Variants in CCDC73 observed in about 807,000 individuals in gnomAD.
The protein encoded by CCDC73 is coiled-coil domain containing 73.
Under a neutral mutation model 116.5 loss-of-function variants are expected in CCDC73, and 95 were observed. The observed-to-expected ratio is 0.82, with a 90% CI of 0.69 to 0.97. The LOEUF is 0.97. CCDC73 is among the 50% of genes least tolerant of loss of function. CCDC73 has a pLI of 0.00. For missense variants in CCDC73, 1,066 were observed against 1,206.8 expected (o/e 0.88, Z 1.73); for synonymous variants, 398 against 401.3 (o/e 0.99, Z 0.10).
At chr11:32,800,960 T>G in the CCDC73 span, among the ~76,000 whole-genome samples, 1 of 152,180 alleles carries the variant, frequency 6.6e-6, no homozygotes, top group Non-Finnish European at 1.5e-5. Context: ...TAATAGGAAG[T>G]CAAGAGATGG....
intron 2 of CCDC73, among the ~76,000 whole-genome samples, chr11:32,731,492 G>A (rs1261564731): frequency 1.3e-5 from 2 of 152,216 alleles, no homozygotes; most frequent in Non-Finnish European, 2.9e-5. Context: ...CTCCCGAGTA[G>A]CCTAACTGGG....
At chr11:32,781,913 A>C (rs991265636) in intron 1 of CCDC73, among the ~76,000 whole-genome samples, 1 of 152,166 alleles carries the variant, frequency 6.6e-6, no homozygotes, top group Non-Finnish European at 1.5e-5. Context: ...GCCACGCAGC[A>C]GGAGGTGAGC....
At chr11:32,655,691 T>A (rs535716726) in intron 9 of CCDC73, among the ~76,000 whole-genome samples, 1 of 152,316 alleles carries the variant, frequency 6.6e-6, no homozygotes, top group South Asian at 2.1e-4. Context: ...GCTACAGAGT[T>A]TGAATGTTAT....
chr11:32,830,249 T>G, the CCDC73 span: 1 of 1,037,822 alleles, frequency 9.6e-7, no homozygotes, highest in Non-Finnish European at 1.2e-6. Flanking sequence ...CTGGGTTGGA[T>G]TCGAACACAT....
chr11:32,614,395 T>C lies in CCDC73; in HGVS notation c.1923A>G (p.Pro641=). ...AATTCCGTAAACTATATTTCTGACATGGAACAGGATTTTTTTTTATATCTA... is the reference window on the plus strand; with the variant it reads ...AATTCCGTAAACTATATTTCTGACACGGAACAGGATTTTTTTTTATATCTA... ...SSLDIKKNPV[P]CQKYSLRNSS... is the part of the protein sequence containing the mutation. The change falls in exon 16 of 18, where the codon CCA becomes CCG. Residue 641 remains proline (P), a synonymous_variant. Coordinates refer to ENST00000335185, the MANE Select transcript of CCDC73 (RefSeq NM_001008391.4). 4 of 1,613,364 alleles carry C rather than the reference T, an allele frequency of 2.5e-6. No individual in the cohort carries two copies. Among genetic ancestry groups the C allele is most frequent in the South Asian group, 2.2e-5 (2 of 91,052 alleles).
intron 13 of CCDC73, among the ~76,000 whole-genome samples, chr11:32,641,295 A>T (rs1204885962): frequency 6.6e-6 from 1 of 152,184 alleles, no homozygotes; most frequent in Non-Finnish European, 1.5e-5. Context: ...ATTAAAATTG[A>T]TATTAGCATA....
At chr11:32,657,975 C>A (rs188156646) in intron 9 of CCDC73, among the ~76,000 whole-genome samples, 1 of 150,712 alleles carries the variant, frequency 6.6e-6, no homozygotes, top group East Asian at 2.0e-4. Context: ...GACCCCCCAC[C>A]GCCCCCATCT....
At chr11:32,789,858 C>G (rs968947420) in intron 1 of CCDC73, among the ~76,000 whole-genome samples, 1 of 152,110 alleles carries the variant, frequency 6.6e-6, no homozygotes, top group Admixed American at 6.5e-5. Flanking sequence ...ACAATGTGAT[C>G]ATGTGTGAAG....
At chr11:32,748,100 C>T (rs1464457920) in intron 2 of CCDC73, among the ~76,000 whole-genome samples, 1 of 152,166 alleles carries the variant, frequency 6.6e-6, no homozygotes, top group African/African-American at 2.4e-5. Context: ...CCTACATGTT[C>T]TTATTGGAGA....
chr11:32,642,092 A>G lies in CCDC73; in HGVS notation c.940-10T>C. On this transcript the variant is annotated splice_polypyrimidine_tract_variant and intron_variant, in intron 12 of 17. Transcript: ENST00000335185. ...TATCTCTTTCAAGGGTCTGCAATAA[A>G]ATTAATTATCCAAAAAATAATCAAT... 1 of 1,517,148 alleles carries G rather than the reference A, an allele frequency of 6.6e-7. No individual in the cohort carries two copies. The highest frequency in any genetic ancestry group is 8.8e-7 in the Non-Finnish European group (1 of 1,135,456). 94.0% of individuals were successfully genotyped at this position (1,517,148 alleles called of 1,614,324 possible).
intron 6 of CCDC73, among the ~76,000 whole-genome samples, chr11:32,693,575 A>G (rs1289685600): frequency 6.6e-6 from 1 of 152,202 alleles, no homozygotes; most frequent in East Asian, 1.9e-4. Flanking sequence ...TGAGGCCAGC[A>G]TCATCCTGAT....
At chr11:32,617,427 T>G (rs1855483492) in intron 14 of CCDC73, among the ~76,000 whole-genome samples, 1 of 152,218 alleles carries the variant, frequency 6.6e-6, no homozygotes, top group South Asian at 2.1e-4. Context: ...TCATTTCATT[T>G]TAAAAAGAAT....
At chr11:32,675,494 C>G in intron 9 of CCDC73, 71 bp downstream of exon 9, 1 of 949,798 alleles carries the variant, frequency 1.1e-6, no homozygotes, top group Non-Finnish European at 1.6e-6. Context: ...CAACTGTCCT[C>G]TAGTAATAGC....
intron 9 of CCDC73, among the ~76,000 whole-genome samples, chr11:32,669,921 A>G (rs1430157472): frequency 1.3e-5 from 2 of 152,214 alleles, no homozygotes; most frequent in African/African-American, 2.4e-5. Flanking sequence ...GCTGCAACAA[A>G]CATGGGAGTG....
intron 1 of CCDC73, among the ~76,000 whole-genome samples, chr11:32,781,307 C>A (rs1220792804): frequency 6.6e-6 from 1 of 152,140 alleles, no homozygotes; most frequent in Non-Finnish European, 1.5e-5. Flanking sequence ...AAGGCATAAG[C>A]CTTAGAACAA....
intron 14 of CCDC73, among the ~76,000 whole-genome samples, chr11:32,620,224 G>A (rs533532838): frequency 6.6e-6 from 1 of 152,250 alleles, no homozygotes; most frequent in East Asian, 1.9e-4. Context: ...CTGGCAGTTG[G>A]TGGCAGCTGT....
At chr11:32,656,753 C>T (rs1234616131) in intron 9 of CCDC73, among the ~76,000 whole-genome samples, 1 of 152,176 alleles carries the variant, frequency 6.6e-6, no homozygotes, top group African/African-American at 2.4e-5. Context: ...AACCAATGCC[C>T]TTCCAATAAA....
the CCDC73 span, among the ~76,000 whole-genome samples, chr11:32,813,990 G>C: frequency 6.6e-6 from 1 of 152,180 alleles, no homozygotes; most frequent in Admixed American, 6.5e-5. Flanking sequence ...AAGGAGAATT[G>C]AATCTTTCCA....
intron 7 of CCDC73, chr11:32,681,574 A>G (rs1856144850): frequency 6.6e-6 from 1 of 151,992 alleles, no homozygotes; most frequent in African/African-American, 2.4e-5. Context: ...GGACTTACCT[A>G]TAGGAGCTCA....
Sources: allele counts gnomAD v4.1 joint callset (sites outside exome capture counted in the v4.1 genomes callset), GRCh38; gene constraint gnomAD v4.1.1; transcripts MANE v1.5; gene names NCBI Gene and HGNC (gene_info 2026-07-23, HGNC 2026-07-21).